The following STX1A variants were observed in gnomAD, a reference collection of about 807,000 sequenced individuals.
The protein encoded by STX1A is syntaxin 1A, also known as syntaxin-1A.
In STX1A, 4 loss-of-function variants were observed where a neutral mutation model predicts 37.8. The ratio of observed to expected loss-of-function variants is 0.11; its 90% CI spans 0.05 to 0.24. The LOEUF is 0.24. STX1A is among the 10% of genes least tolerant of loss of function. The pLI, the probability that STX1A is intolerant of heterozygous loss-of-function variation, is 1.00. For missense variants in STX1A, 251 were observed against 399.9 expected, an observed-to-expected ratio of 0.63 and a Z score of 3.18; for synonymous variants, 135 against 147.4, an observed-to-expected ratio of 0.92 and a Z score of 0.61.
intron 8 of STX1A, among the ~76,000 whole-genome samples, chr7:73,701,752 C>G (rs998577844): frequency 6.6e-6 from 1 of 152,128 alleles, no homozygotes; most frequent in Non-Finnish European, 1.5e-5. Flanking sequence ...CTCCTGACGG[C>G]CTCCGTACTT....
rs1028061321 is a variant in STX1A at position 73,700,120 on chromosome 7, G to A, written c.*287C>T. 2.0e-6 allele frequency: 1 copy of A among 508,944 alleles called. No homozygotes were observed. Among genetic ancestry groups the A allele is most frequent in the Non-Finnish European group, 3.6e-6 (1 of 281,014 alleles). The allele number at this position is 508,944 out of a possible 1,614,324, so 31.5% of individuals were successfully genotyped here. Reference sequence around the variant, plus strand: ...CTGAAGGCAAGGAAGGGTGGCCTGTGTCACCCTGGCGGCCCTGCCTGGGTC... The same window carrying A: ...CTGAAGGCAAGGAAGGGTGGCCTGTATCACCCTGGCGGCCCTGCCTGGGTC... On this transcript the variant is annotated 3_prime_UTR_variant, in exon 10 of 10. Coordinates refer to ENST00000222812, the MANE Select transcript of STX1A (RefSeq NM_004603.4). This position sits in a 1 kb window ranked among gnomAD's most constrained non-coding sequence, Gnocchi z 4.4.
chr7:73,711,156 C>A (rs1799087490), intron 1 of STX1A, among the ~76,000 whole-genome samples: 1 of 152,092 alleles, frequency 6.6e-6, no homozygotes, highest in South Asian at 2.1e-4. Flanking sequence ...TGCCACCACA[C>A]CCAGCTACTT....
chr7:73,718,681 T>A (rs1346550899), intron 1 of STX1A, among the ~76,000 whole-genome samples: 1 of 151,712 alleles, frequency 6.6e-6, no homozygotes, highest in Non-Finnish European at 1.5e-5. Context: ...CCGGTCACCA[T>A]CCTCCTGGGC....
At position 73,704,370 on chromosome 7, in the gene STX1A, G is replaced by C. The variant is rs1554616482; in HGVS notation, c.337C>G (p.Leu113Val). 6.2e-7 allele frequency: 1 copy of C among 1,614,198 alleles called. No individual in the cohort carries two copies. The highest frequency in any genetic ancestry group is 1.7e-5 in the Admixed American group (1 of 60,032). ...CGCACCTGTGTCTTCCGGATCCTCA[G>C]GTCAGCGGAGGAGCGGTTCAGGCCT... The part of the protein sequence containing the change: ...EEGLNRSSAD[L>V]RIRKTQHSTL... The change falls in exon 5 of 10, where the codon CTG (leucine) becomes GTG (valine). Residue 113 changes from leucine (L) to valine (V), a missense_variant. Around this residue, in one of 2 missense-constraint regions of STX1A, gnomAD observed 214 missense variants for 367.6 expected, o/e 0.58. Coordinates refer to ENST00000222812, the MANE Select transcript of STX1A (RefSeq NM_004603.4).
rs1405899568 is a variant in STX1A, at chr7:73,702,297, A to G, written c.678+548T>C. Among the ~76,000 whole-genome samples, 4 of 152,084 alleles carry G rather than the reference A, an allele frequency of 2.6e-5. No homozygotes were observed. Among genetic ancestry groups the G allele is most frequent in the African/African-American group, 7.2e-5 (3 of 41,396 alleles). On this transcript the variant is annotated intron_variant, in intron 8 of 9. Transcript: ENST00000222812. The surrounding 1 kb of genome is among the most constrained non-coding windows in gnomAD (Gnocchi z 4.7). ...ACGGTGTTACTCTGTGTAACTTTGGAACCATAGTGGTGGTGGCACCACCTT... is the reference window on the plus strand; with the variant it reads ...ACGGTGTTACTCTGTGTAACTTTGGGACCATAGTGGTGGTGGCACCACCTT...
Position 73,719,644 on chromosome 7 carries a change from GGCA to G in STX1A, c.-16_-14del. On this transcript the variant is annotated 5_prime_UTR_variant, in exon 1 of 10. Transcript: ENST00000222812. ...TTCGGTCCTTCATGCTCCCGGGAGT[GGCA>G]GCGGCGCCGGCTGCAGCCGTGTGAG... 8.4e-7 allele frequency: 1 copy of G among 1,191,720 alleles called. No individual in the cohort carries two copies. Among genetic ancestry groups the G allele is most frequent in the Non-Finnish European group, 1.0e-6 (1 of 957,682 alleles). 73.8% of individuals were successfully genotyped at this position (1,191,720 alleles called of 1,614,324 possible).
intron 3 of STX1A, 45 bp downstream of exon 3, chr7:73,708,544 G>A (rs548922870): frequency 2.5e-6 from 4 of 1,576,544 alleles, no homozygotes; most frequent in Admixed American, 1.8e-5. Flanking sequence ...GCCCCTTCCC[G>A]AGGCTTGTGG....
chr7:73,713,891 T>C (rs1799191542), intron 1 of STX1A, among the ~76,000 whole-genome samples: 1 of 152,230 alleles, frequency 6.6e-6, no homozygotes, highest in African/African-American at 2.4e-5. Context: ...CAGCTGGAAC[T>C]GTGGGGCACA....
chr7:73,712,238 C>T (rs960247067), intron 1 of STX1A, among the ~76,000 whole-genome samples: 1 of 152,092 alleles, frequency 6.6e-6, no homozygotes, highest in East Asian at 1.9e-4. Context: ...TTCCTCCCCA[C>T]GTCCTTCTAC....
At position 73,700,649 on chromosome 7, in the gene STX1A, T is replaced by A; in HGVS notation, c.789+81A>T. 1 of 1,531,216 alleles carries A rather than the reference T, an allele frequency of 6.5e-7. No individual in the cohort carries two copies. The highest frequency in any genetic ancestry group is 1.5e-5 in the African/African-American group (1 of 67,144). 94.9% of individuals were successfully genotyped at this position (1,531,216 alleles called of 1,614,324 possible). A position where few individuals can be genotyped will look rare whatever the true frequency, so the allele number is the denominator to read the frequency against. The stretch of plus-strand genomic sequence containing the variant: ...GAGCTCCTGAGAGAAGGGAGAGAGG[T>A]GGGATGGGGAGGGATGTGGGATGGT... On this transcript the variant is annotated intron_variant, in intron 9 of 9. Coordinates refer to ENST00000222812, the MANE Select transcript of STX1A (RefSeq NM_004603.4). This position sits in a 1 kb window ranked among gnomAD's most constrained non-coding sequence, Gnocchi z 4.4.
At position 73,705,112 on chromosome 7, in the gene STX1A, G is replaced by T; in HGVS notation, c.283+38C>A. 6.2e-7 allele frequency: 1 copy of T among 1,600,384 alleles called. No individual in the cohort carries two copies. Among genetic ancestry groups the T allele is most frequent in the African/African-American group, 1.3e-5 (1 of 74,802 alleles). On this transcript the variant is annotated intron_variant, in intron 4 of 9. Coordinates refer to ENST00000222812, the MANE Select transcript of STX1A (RefSeq NM_004603.4). This position sits in a 1 kb window ranked among gnomAD's most constrained non-coding sequence, Gnocchi z 5.2. ...GGGCTCCGCAGAGGAAGCAGGCCTA[G>T]AATGCCCCCCACCCACCCCCAGACA... is the stretch of plus-strand genomic sequence containing the variant.
rs1488533527 is a variant in STX1A at position 73,700,518 on chromosome 7, A to G, written c.790-34T>C. 32 of 1,610,356 alleles carry G rather than the reference A, an allele frequency of 2.0e-5. No homozygotes were observed. The Admixed American group carries it at 5.4e-4, about 27-fold the overall frequency. On this transcript the variant is annotated intron_variant, in intron 9 of 9. Coordinates refer to ENST00000222812, the MANE Select transcript of STX1A (RefSeq NM_004603.4). The surrounding 1 kb of genome is among the most constrained non-coding windows in gnomAD (Gnocchi z 4.4). ...GAAGCGGGCAGGAGAGGCCTCAGAC[A>G]GTGTTGGCGGCAGGTGGGGTGGGAC...
intron 6 of STX1A, 58 bp downstream of exon 6, chr7:73,704,090 A>G: frequency 6.6e-7 from 1 of 1,507,960 alleles, no homozygotes; most frequent in Non-Finnish European, 8.9e-7. Flanking sequence ...TCAGCAGCAG[A>G]CTCGGGCCCC....
At chr7:73,719,559 TGGCGGCG>T (rs1359801947) in intron 1 of STX1A, 36 bp downstream of exon 1, 30 of 1,205,164 alleles carry the variant, frequency 2.5e-5, no homozygotes, top group East Asian at 2.4e-4. Flanking sequence ...GCGTTGGCGC[TGGCGGCG>T]GGCGGCGGGC....
chr7:73,713,720 A>T (rs1259159623), intron 1 of STX1A, among the ~76,000 whole-genome samples: 1 of 152,190 alleles, frequency 6.6e-6, no homozygotes, highest in East Asian at 1.9e-4. Context: ...ACAGAGCAAG[A>T]TCCTGTCTCA....
chr7:73,701,307 T>TG (rs1183900549), intron 8 of STX1A: 3 of 246,730 alleles, frequency 1.2e-5, no homozygotes, highest in African/African-American at 2.2e-5. Context: ...TTTAAGAACT[T>TG]GAAGTCAGGT....
chr7:73,712,759 T>G (rs1278081481), intron 1 of STX1A, among the ~76,000 whole-genome samples: 1 of 152,176 alleles, frequency 6.6e-6, no homozygotes, highest in East Asian at 1.9e-4. Context: ...CTGCTATAGA[T>G]TTGAAGGCGG....
At position 73,705,118 on chromosome 7, in the gene STX1A, C is replaced by T; in HGVS notation, c.283+32G>A. On this transcript the variant is annotated intron_variant, in intron 4 of 9. Transcript: ENST00000222812. The surrounding 1 kb of genome is among the most constrained non-coding windows in gnomAD (Gnocchi z 5.2). ...CGCAGAGGAAGCAGGCCTAGAATGCCCCCCACCCACCCCCAGACAAGCCTG... is the reference window on the plus strand; with the variant it reads ...CGCAGAGGAAGCAGGCCTAGAATGCTCCCCACCCACCCCCAGACAAGCCTG... 1 of 1,607,110 alleles carries T rather than the reference C, an allele frequency of 6.2e-7. No individual in the cohort carries two copies. Among genetic ancestry groups the T allele is most frequent in the Non-Finnish European group, 8.5e-7 (1 of 1,173,646 alleles).
intron 1 of STX1A, among the ~76,000 whole-genome samples, chr7:73,718,121 C>G (rs1799354795): frequency 6.6e-6 from 1 of 152,204 alleles, no homozygotes. Context: ...AACACTCATT[C>G]TGACTCAACG....
Sources: gnomAD v4.1 joint callset for allele counts (sites outside exome capture counted in the v4.1 genomes callset) on GRCh38, gnomAD v4.1.1 for gene constraint, gnomAD v4.1.1 regional missense constraint, Gnocchi (gnomAD v3.1) non-coding constraint, MANE v1.5 for transcripts, NCBI Gene and HGNC (gene_info 2026-07-23, HGNC 2026-07-21) for gene names.